The following APIP variants were observed in gnomAD, a reference collection of about 807,000 sequenced individuals.
APIP encodes APAF1 interacting protein.
APIP carries 32 observed loss-of-function variants against 32.0 expected under a neutral mutation model. The ratio of observed to expected loss-of-function variants is 1.00; its 90% CI spans 0.76 to 1.34. The LOEUF (loss-of-function observed/expected upper bound fraction) is 1.34, where lower values mean the gene tolerates loss of function less well. Among genes scored for constraint, APIP ranks in the 40% most tolerant of loss-of-function variants. The pLI is 0.00. For missense variants in APIP, 247 were observed against 298.6 expected, an observed-to-expected ratio of 0.83 and a Z score of 1.27; for synonymous variants, 92 against 94.8, an observed-to-expected ratio of 0.97 and a Z score of 0.17.
intron 1 of APIP, among the ~76,000 whole-genome samples, chr11:34,902,792 A>G (rs1389693975): frequency 6.6e-6 from 1 of 152,116 alleles, no homozygotes; most frequent in Non-Finnish European, 1.5e-5. Flanking sequence ...TTCAATCTGT[A>G]TGTGTCAGAA....
intron 2 of APIP, 104 bp downstream of exon 2, chr11:34,894,906 C>A: frequency 1.0e-6 from 1 of 987,782 alleles, no homozygotes; most frequent in Non-Finnish European, 1.6e-6. Flanking sequence ...CCTTCAGTAT[C>A]ACATAAAACT....
At chr11:34,885,568 T>C (rs1565132066) in intron 5 of APIP, among the ~76,000 whole-genome samples, 1 of 151,896 alleles carries the variant, frequency 6.6e-6, no homozygotes, top group Non-Finnish European at 1.5e-5. Context: ...TAACGAGAAA[T>C]GGGGGGCAAT....
intron 1 of APIP, among the ~76,000 whole-genome samples, chr11:34,904,110 G>T (rs955525696): frequency 6.6e-6 from 1 of 152,208 alleles, no homozygotes; most frequent in African/African-American, 2.4e-5. Context: ...ACATGTCAAA[G>T]ACAAAGGGCA....
intron 1 of APIP, among the ~76,000 whole-genome samples, chr11:34,909,371 CATAA>C (rs1853507331): frequency 6.6e-6 from 1 of 151,886 alleles, no homozygotes; most frequent in Non-Finnish European, 1.5e-5. Flanking sequence ...AAACAGAATA[CATAA>C]ATAAACTGTA....
rs1490258739 is a variant in APIP at position 34,885,072 on chromosome 11, T to A, written c.462-1568A>T. 2.9e-5 allele frequency among the ~76,000 whole-genome samples: 4 copies of A among 137,254 alleles called. No individual in the cohort carries two copies. In the East Asian group the frequency reaches 7.8e-4, roughly 27 times the overall value. 90.0% of individuals were successfully genotyped at this position (137,254 alleles called of 152,430 possible). A position where few individuals can be genotyped will look rare whatever the true frequency, so the allele number is the denominator to read the frequency against. ...TATAAAGTTATGTATATGTATACAT[T>A]ATACAACTATAATATATGTATACAT... On this transcript the variant is annotated intron_variant, in intron 5 of 6. Coordinates refer to ENST00000395787, the MANE Select transcript of APIP (RefSeq NM_015957.4).
rs765979127 is a variant in APIP, at chr11:34,916,352, A to T, written c.-68T>A. On this transcript the variant is annotated 5_prime_UTR_variant, in exon 1 of 7. Coordinates refer to ENST00000395787, the MANE Select transcript of APIP (RefSeq NM_015957.4). ...CTTTGCGCGCGGCGCTTAGCCTGGG[A>T]TACGGCAGCGAGGCCGCAAATGCAA... is the stretch of plus-strand genomic sequence containing the variant. The T allele has an allele frequency of 1.3e-6, 2 of 1,590,066 alleles. No individual in the cohort carries two copies. The highest frequency in any genetic ancestry group is 2.3e-5 in the East Asian group (1 of 43,462).
intron 5 of APIP, among the ~76,000 whole-genome samples, chr11:34,886,420 T>A (rs1853071897): frequency 6.6e-6 from 1 of 151,992 alleles, no homozygotes; most frequent in East Asian, 1.9e-4. Flanking sequence ...AAGGTACTAT[T>A]ACAAGAGTCC....
chr11:34,895,072 G>A lies in APIP; in HGVS notation c.96C>T (p.Cys32=), dbSNP rs1197183002. 1 of 1,613,960 alleles carries A rather than the reference G, an allele frequency of 6.2e-7. No individual in the cohort carries two copies. The highest frequency in any genetic ancestry group is 1.7e-5 in the Admixed American group (1 of 59,992). ...EHPRYLIPEL[C]KQFYHLGWVT... ...CCCAGCCTAAATGGTAAAACTGTTTGCAAAGTTCTGGGATCAGGTATCTTG... is the reference window on the plus strand; with the variant it reads ...CCCAGCCTAAATGGTAAAACTGTTTACAAAGTTCTGGGATCAGGTATCTTG... Residue 32 remains cysteine, a synonymous_variant, in exon 2 of 7, where the codon TGC becomes TGT. Transcript: ENST00000395787.
At position 34,901,240 on chromosome 11, in the gene APIP, G is replaced by C. The variant is rs1347922869; in HGVS notation, c.58-6130C>G. On this transcript the variant is annotated intron_variant, in intron 1 of 6. Coordinates refer to ENST00000395787, the MANE Select transcript of APIP (RefSeq NM_015957.4). The stretch of plus-strand genomic sequence containing the variant: ...TAGCTGTTATCGATGTGGCAAATCA[G>C]GGCATTTTAAGAAAGAATGTCCAGG... 3.9e-5 allele frequency among the ~76,000 whole-genome samples: 6 copies of C among 152,076 alleles called. 1 individual carries two copies. Among genetic ancestry groups the C allele is most frequent in the Non-Finnish European group, 8.8e-5 (6 of 68,038 alleles).
chr11:34,884,723 C>A (rs371440373), intron 5 of APIP, among the ~76,000 whole-genome samples: 9 of 137,486 alleles, frequency 6.5e-5, no homozygotes, highest in East Asian at 2.0e-4. Flanking sequence ...GACTTAGTCT[C>A]AAAAAAAAAA....
In APIP at chr11:34,912,487, T is replaced by C. The variant is rs541959429; in HGVS notation, c.57+3741A>G. ...AATACTGAGTGTCAACTTGACTGGA[T>C]TGAAGGATACAAAGTATTGATCCTA... On this transcript the variant is annotated intron_variant, in intron 1 of 6. Transcript: ENST00000395787. Among the ~76,000 whole-genome samples, 11 of 152,252 alleles carry C rather than the reference T, an allele frequency of 7.2e-5. No homozygotes were observed. The South Asian group carries it at 2.3e-3, about 32-fold the overall frequency.
rs1853302151 is a variant in APIP at position 34,897,727 on chromosome 11, T to C, written c.58-2617A>G. ...CCCACCCTCTTCTTGTCACCATGTG[T>C]GTCAAGCATCATGGCCACCCCAGAT... On this transcript the variant is annotated intron_variant, in intron 1 of 6. Coordinates refer to ENST00000395787, the MANE Select transcript of APIP (RefSeq NM_015957.4). 2.0e-5 allele frequency among the ~76,000 whole-genome samples: 3 copies of C among 152,140 alleles called. No homozygotes were observed. The South Asian group carries it at 6.2e-4, about 32-fold the overall frequency.
At chr11:34,913,983 C>G (rs892289518) in intron 1 of APIP, among the ~76,000 whole-genome samples, 21 of 152,194 alleles carry the variant, frequency 1.4e-4, no homozygotes, top group African/African-American at 3.9e-4. Context: ...AATATGGGAA[C>G]ACACCATGTC....
intron 1 of APIP, among the ~76,000 whole-genome samples, chr11:34,910,147 G>A (rs1253150428): frequency 6.6e-6 from 1 of 152,228 alleles, no homozygotes; most frequent in Non-Finnish European, 1.5e-5. Flanking sequence ...CAACAAAGTT[G>A]TGCAATATTC....
chr11:34,905,303 CAA>C (rs1565138721), intron 1 of APIP, among the ~76,000 whole-genome samples: 1 of 142,858 alleles, frequency 7.0e-6, no homozygotes, highest in Non-Finnish European at 1.6e-5. Flanking sequence ...ATTTGTACAA[CAA>C]GACTAATTGT....
intron 6 of APIP, 143 bp from the exon 7 acceptor site, chr11:34,882,959 T>C (rs1852991706): frequency 6.7e-6 from 4 of 600,436 alleles, no homozygotes; most frequent in Non-Finnish European, 1.1e-5. Flanking sequence ...AAAATTCTAT[T>C]TTTCCCTCAA....
chr11:34,883,182 C>G (rs1232402712), intron 6 of APIP, among the ~76,000 whole-genome samples, 155 bp downstream of exon 6: 1 of 152,128 alleles, frequency 6.6e-6, no homozygotes, highest in East Asian at 1.9e-4. Context: ...AACAGCTCAT[C>G]CAATCAATAC....
intron 1 of APIP, among the ~76,000 whole-genome samples, chr11:34,903,081 C>T (rs546354490): frequency 6.6e-6 from 1 of 152,260 alleles, no homozygotes; most frequent in East Asian, 1.9e-4. Context: ...TAACAGCCGA[C>T]TCCTTACATA....
intron 1 of APIP, among the ~76,000 whole-genome samples, chr11:34,910,539 C>A (rs547435676): frequency 1.3e-5 from 2 of 151,838 alleles, no homozygotes; most frequent in African/African-American, 4.8e-5. Flanking sequence ...CAGCCTTTGT[C>A]GAGATAGAGA....
Sources: allele counts gnomAD v4.1 joint callset (sites outside exome capture counted in the v4.1 genomes callset), GRCh38; gene constraint gnomAD v4.1.1; transcripts MANE v1.5; gene names NCBI Gene and HGNC (gene_info 2026-07-23, HGNC 2026-07-21).